The following ARID5B variants were observed in gnomAD, a reference collection of about 807,000 sequenced individuals.
The protein encoded by ARID5B is AT-rich interactive domain-containing protein 5B.
ARID5B carries 13 observed loss-of-function variants against 97.2 expected under a neutral mutation model. The ratio of observed to expected loss-of-function variants is 0.13; its 90% CI spans 0.09 to 0.21. The LOEUF is 0.21. ARID5B is among the 10% of genes least tolerant of loss of function. The pLI, the probability that ARID5B is intolerant of heterozygous loss-of-function variation, is 1.00. For synonymous variants in ARID5B, 556 were observed against 570.3 expected (o/e 0.97, Z 0.36); for missense variants, 1,210 against 1,465.3 (o/e 0.83, Z 2.84).
At chr10:61,954,564 A>G (rs981215670) in intron 3 of ARID5B, among the ~76,000 whole-genome samples, 1 of 152,090 alleles carries the variant, frequency 6.6e-6, no homozygotes, top group African/African-American at 2.4e-5. Context: ...CATGTAAAAC[A>G]TGTGTATTGC....
rs1293972865 is a variant in ARID5B at position 61,943,238 on chromosome 10, C to G, written c.502+2830C>G. On this transcript the variant is annotated intron_variant, in intron 3 of 9. Transcript: ENST00000279873. The stretch of plus-strand genomic sequence containing the variant: ...TCATTTTCTGTACACATTCCTGTCC[C>G]CACAACTTTCTCTTCAGCCTCTTCT... Among the ~76,000 whole-genome samples, 12 of 152,206 alleles carry G rather than the reference C, an allele frequency of 7.9e-5. No individual in the cohort carries two copies. The South Asian group carries it at 2.1e-3, about 26-fold the overall frequency.
At chr10:62,008,904 T>C (rs773395931) in intron 4 of ARID5B, among the ~76,000 whole-genome samples, 1 of 152,254 alleles carries the variant, frequency 6.6e-6, no homozygotes, top group Non-Finnish European at 1.5e-5. Context: ...TGCATTGGCT[T>C]TCCCAACTTG....
chr10:62,055,782 T>C (rs560110722), intron 5 of ARID5B, among the ~76,000 whole-genome samples: 10 of 152,308 alleles, frequency 6.6e-5, no homozygotes, highest in African/African-American at 2.2e-4. Context: ...ATGTGTTCAC[T>C]TGAGAGAATA....
intron 4 of ARID5B, among the ~76,000 whole-genome samples, chr10:62,006,835 G>A (rs1839153095): frequency 6.6e-6 from 1 of 152,162 alleles, no homozygotes; most frequent in African/African-American, 2.4e-5. Context: ...GAACTTGAAA[G>A]GAGATTTAAA....
At chr10:61,938,239 G>C (rs1273546786) in intron 2 of ARID5B, among the ~76,000 whole-genome samples, 1 of 152,186 alleles carries the variant, frequency 6.6e-6, no homozygotes, top group Non-Finnish European at 1.5e-5. Flanking sequence ...TCCAGAGATA[G>C]TCATGCCATT....
intron 3 of ARID5B, among the ~76,000 whole-genome samples, chr10:61,998,095 G>A (rs1839026132): frequency 6.6e-6 from 1 of 152,230 alleles, no homozygotes; most frequent in African/African-American, 2.4e-5. Flanking sequence ...GTTAAAAGAT[G>A]TCATCTTGTA....
chr10:61,960,543 T>C (rs539758038), intron 3 of ARID5B, among the ~76,000 whole-genome samples: 23 of 152,358 alleles, frequency 1.5e-4, no homozygotes, highest in African/African-American at 5.0e-4. Context: ...TCTAAATATT[T>C]ATAAGATTAT....
chr10:61,998,244 T>C (rs1294124277), intron 3 of ARID5B, among the ~76,000 whole-genome samples: 1 of 152,244 alleles, frequency 6.6e-6, no homozygotes, highest in African/African-American at 2.4e-5. Flanking sequence ...TTATGTTCCA[T>C]CATTATGTTC....
Position 61,901,819 on chromosome 10 carries a change from A to AC in ARID5B, c.21+95dup, listed in dbSNP as rs555712287. On this transcript the variant is annotated intron_variant, in intron 1 of 9. Coordinates refer to ENST00000279873, the MANE Select transcript of ARID5B (RefSeq NM_032199.3). Reference sequence around the variant, plus strand: ...CACCCACACCTCTGCACCCACCCACACCCCCCACAAACTTTTCACCAAACT... The same window carrying AC: ...CACCCACACCTCTGCACCCACCCACACCCCCCCACAAACTTTTCACCAAACT... 2.3e-3 allele frequency: 1,638 copies of AC among 718,018 alleles called. 4 individuals carry two copies. The highest frequency in any genetic ancestry group is 2.8e-3 in the South Asian group (183 of 64,450). The allele number at this position is 718,018 out of a possible 1,614,324, so 44.5% of individuals were successfully genotyped here.
chr10:62,021,811 G>A (rs191616923), intron 4 of ARID5B, among the ~76,000 whole-genome samples: 3 of 152,280 alleles, frequency 2.0e-5, no homozygotes, highest in Admixed American at 2.0e-4. Flanking sequence ...TAGCTCCCTG[G>A]TTTGGTTCAA....
intron 3 of ARID5B, among the ~76,000 whole-genome samples, chr10:61,945,232 C>T (rs1844481019): frequency 6.6e-6 from 1 of 152,072 alleles, no homozygotes; most frequent in African/African-American, 2.4e-5. Flanking sequence ...ATCCTTCCTT[C>T]CTTTCTAGAC....
At chr10:62,016,376 A>G (rs769484370) in intron 4 of ARID5B, among the ~76,000 whole-genome samples, 2 of 152,200 alleles carry the variant, frequency 1.3e-5, no homozygotes, top group Non-Finnish European at 2.9e-5. Context: ...AAGATACACC[A>G]TTTTTATATG....
intron 2 of ARID5B, among the ~76,000 whole-genome samples, chr10:61,932,364 AGGTTAG>A (rs2132785232): frequency 1.3e-5 from 2 of 151,888 alleles, no homozygotes; most frequent in African/African-American, 4.8e-5. Flanking sequence ...TGGTTGCTGA[AGGTTAG>A]GGTGACTGTG....
intron 2 of ARID5B, among the ~76,000 whole-genome samples, chr10:61,929,697 TAC>T (rs2132781831): frequency 6.6e-6 from 1 of 152,350 alleles, no homozygotes; most frequent in East Asian, 1.9e-4. Flanking sequence ...GGTCCAAAGC[TAC>T]ACTTATTCCC....
At chr10:62,039,870 G>A (rs1424875389) in intron 4 of ARID5B, among the ~76,000 whole-genome samples, 2 of 152,218 alleles carry the variant, frequency 1.3e-5, no homozygotes, top group Non-Finnish European at 2.9e-5. Context: ...ATGAGGCTAT[G>A]CCCCTGCATT....
chr10:62,020,474 C>T (rs570012867), intron 4 of ARID5B, among the ~76,000 whole-genome samples: 2 of 152,098 alleles, frequency 1.3e-5, no homozygotes, highest in African/African-American at 2.4e-5. Flanking sequence ...ACTTTGACAT[C>T]GGATATTCTT....
intron 3 of ARID5B, among the ~76,000 whole-genome samples, chr10:61,944,698 G>A (rs1844472493): frequency 6.6e-6 from 1 of 152,112 alleles, no homozygotes; most frequent in Admixed American, 6.6e-5. Flanking sequence ...ACTTTTTATT[G>A]AAGCCCTTTG....
At position 62,050,924 on chromosome 10, in the gene ARID5B, C is replaced by A. The variant is rs1427315274; in HGVS notation, c.770C>A (p.Pro257Gln). The change falls in exon 5 of 10, where the codon CCA becomes CAA. Residue 257 changes from proline to glutamine, a missense_variant. Coordinates refer to ENST00000279873, the MANE Select transcript of ARID5B (RefSeq NM_032199.3). ...AAAGGCAGACCACGCAAAAAGAAAC[C>A]ATGCCCACAAAGAAGAGATTCATTC... ...NLKGRPRKKK[P>Q]CPQRRDSFSG... 3 of 1,614,174 alleles carry A rather than the reference C, an allele frequency of 1.9e-6. No homozygotes were observed. Among genetic ancestry groups the A allele is most frequent in the Non-Finnish European group, 2.5e-6 (3 of 1,180,008 alleles).
At chr10:62,078,153 A>G (rs1396091558) in intron 8 of ARID5B, among the ~76,000 whole-genome samples, 2 of 152,170 alleles carry the variant, frequency 1.3e-5, no homozygotes, top group African/African-American at 2.4e-5. Flanking sequence ...TTATATTTTG[A>G]CACTGGCTTC....
Sources: allele counts gnomAD v4.1 joint callset (sites outside exome capture counted in the v4.1 genomes callset), GRCh38; gene constraint gnomAD v4.1.1; transcripts MANE v1.5; gene names NCBI Gene and HGNC (gene_info 2026-07-23, HGNC 2026-07-21).